ACBD6: variants seen among roughly 807,000 people sequenced by gnomAD.
ACBD6 encodes acyl-CoA binding domain containing 6.
Under a neutral mutation model 37.2 loss-of-function variants are expected in ACBD6, and 28 were observed. That is an observed-to-expected ratio of 0.75 (90% CI 0.56 to 1.03). The LOEUF is 1.03. Ranked by LOEUF, ACBD6 falls within the 50% of genes least tolerant of loss-of-function variation. The pLI, the probability that ACBD6 is intolerant of heterozygous loss-of-function variation, is 0.00. For missense variants in ACBD6, 340 were observed against 337.4 expected, an observed-to-expected ratio of 1.01 and a Z score of -0.06; for synonymous variants, 113 against 126.8, an observed-to-expected ratio of 0.89 and a Z score of 0.73.
chr1:180,413,189 T>C (rs1647931323), intron 5 of ACBD6, among the ~76,000 whole-genome samples, 177 bp downstream of exon 5: 1 of 152,228 alleles, frequency 6.6e-6, no homozygotes, highest in Non-Finnish European at 1.5e-5. Context: ...AAAAATATGT[T>C]GGACATAATC....
rs77332560 is a variant in ACBD6, at chr1:180,402,685, C to A, written c.574-5080G>T. 3.3e-3 allele frequency among the ~76,000 whole-genome samples: 495 copies of A among 151,948 alleles called. 1 individual carries two copies. Among genetic ancestry groups the A allele is most frequent in the African/African-American group, 0.011 (464 of 41,438 alleles). The stretch of plus-strand genomic sequence containing the variant: ...GCACACTTCTGTAGTCCCAGCTACT[C>A]AGGAGGCTCGGCTCAACAGGAGAAT... On this transcript the variant is annotated intron_variant, in intron 5 of 7. Coordinates refer to ENST00000367595, the MANE Select transcript of ACBD6 (RefSeq NM_032360.4).
Position 180,430,208 on chromosome 1 carries a change from T to A in ACBD6, c.439A>T (p.Ser147Cys). 1.2e-6 allele frequency: 2 copies of A among 1,613,480 alleles called. No individual in the cohort carries two copies. Among genetic ancestry groups the A allele is most frequent in the African/African-American group, 1.3e-5 (1 of 75,030 alleles). Residue 147 changes from serine to cysteine, a missense_variant, in exon 4 of 8, where the codon AGT (serine) becomes TGT (cysteine). Transcript: ENST00000367595. The stretch of plus-strand genomic sequence containing the variant: ...ATGGTTTCTTCATGATATAGAGAAC[T>A]AATAACTGGCCCACCAAAACCTGTA... ...ANTGFGGPVI[S>C]SLYHEETIRE... is the part of the protein sequence containing the mutation.
intron 3 of ACBD6, among the ~76,000 whole-genome samples, chr1:180,437,261 A>G (rs982086958): frequency 6.6e-6 from 1 of 152,176 alleles, no homozygotes; most frequent in African/African-American, 2.4e-5. Context: ...GGGAACCACA[A>G]CTTGAAGCCA....
intron 7 of ACBD6, among the ~76,000 whole-genome samples, chr1:180,295,669 T>C (rs1649888951): frequency 6.6e-6 from 1 of 152,190 alleles, no homozygotes; most frequent in Non-Finnish European, 1.5e-5. Flanking sequence ...TTATTTCTGT[T>C]GTGAGGATCT....
chr1:180,324,875 T>A, intron 6 of ACBD6, among the ~76,000 whole-genome samples: 1 of 152,112 alleles, frequency 6.6e-6, no homozygotes, highest in East Asian at 1.9e-4. Flanking sequence ...TGTTCTAGGG[T>A]AAATTTTTTT....
rs1649568813 is a variant in ACBD6, at chr1:180,288,305, T to C, written c.*58A>G. ...TGGAAAAGAAGTATTATTTTTGTAG[T>C]TTTCTTTCATAATGGAAGCCTTATG... On this transcript the variant is annotated 3_prime_UTR_variant, in exon 8 of 8. Transcript: ENST00000367595. 1.2e-6 allele frequency: 2 copies of C among 1,609,828 alleles called. No homozygotes were observed. The highest frequency in any genetic ancestry group is 1.3e-5 in the African/African-American group (1 of 74,934).
intron 3 of ACBD6, chr1:180,435,258 T>C: frequency 4.9e-6 from 3 of 615,502 alleles, no homozygotes; most frequent in East Asian, 3.4e-5. Context: ...CCAGATGCAT[T>C]TTTTTTTTGA....
At chr1:180,314,593 G>A in intron 7 of ACBD6, 99 bp downstream of exon 7, 2 of 978,236 alleles carry the variant, frequency 2.0e-6, no homozygotes, top group South Asian at 2.8e-5. Context: ...CTAGCTGCCA[G>A]GTACCTATCT....
chr1:180,288,434 G>A lies in ACBD6; in HGVS notation c.778C>T (p.Leu260=). The change falls in exon 8 of 8, where the codon CTG becomes TTG. Residue 260 remains leucine (L), a synonymous_variant. Transcript: ENST00000367595. ...TTGCAGCCTGTCACCTCCTCTGGCA[G>A]GCAGCCATCCTGGTCTCGGAGAGTG... ...DPTLRDQDGC[L]PEEVTGCKTV... is the part of the protein sequence containing the mutation. 1 of 1,613,796 alleles carries A rather than the reference G, an allele frequency of 6.2e-7. No homozygotes were observed. Among genetic ancestry groups the A allele is most frequent in the African/African-American group, 1.3e-5 (1 of 75,038 alleles).
At chr1:180,374,956 A>G (rs1203518377) in intron 6 of ACBD6, among the ~76,000 whole-genome samples, 1 of 152,176 alleles carries the variant, frequency 6.6e-6, no homozygotes, top group African/African-American at 2.4e-5. Flanking sequence ...AAAGATGCAA[A>G]TTAGACTAGA....
At chr1:180,295,507 G>A (rs867935866) in intron 7 of ACBD6, among the ~76,000 whole-genome samples, 7 of 107,988 alleles carry the variant, frequency 6.5e-5, no homozygotes, top group Middle Eastern at 5.3e-3. Flanking sequence ...GTGCATCACA[G>A]ATAATGCATT....
intron 6 of ACBD6, among the ~76,000 whole-genome samples, chr1:180,361,364 A>C (rs1277080469): frequency 6.6e-6 from 1 of 151,432 alleles, no homozygotes; most frequent in Non-Finnish European, 1.5e-5. Flanking sequence ...AAGAGCAGAG[A>C]ACTAGACCTC....
chr1:180,287,464 A>C (rs1409066421), downstream of ACBD6: 1 of 151,128 alleles, frequency 6.6e-6, no homozygotes, highest in Admixed American at 6.6e-5. Context: ...AATTAAAATG[A>C]GAGCATACTT....
At chr1:180,493,247 CAAAAAAAA>C (rs71121023) in intron 2 of ACBD6, among the ~76,000 whole-genome samples, 2 of 47,810 alleles carry the variant, frequency 4.2e-5, no homozygotes, top group African/African-American at 1.2e-4. Context: ...AATTCTGTCT[CAAAAAAAA>C]AAAAAAAAAA....
At chr1:180,371,237 TAAC>T (rs1653253187) in intron 6 of ACBD6, among the ~76,000 whole-genome samples, 2 of 152,088 alleles carry the variant, frequency 1.3e-5, no homozygotes, top group Admixed American at 1.3e-4. Flanking sequence ...ATTTTACAAA[TAAC>T]AAGTGCTCAG....
At chr1:180,419,975 C>T (rs1648287130) in intron 4 of ACBD6, among the ~76,000 whole-genome samples, 2 of 152,138 alleles carry the variant, frequency 1.3e-5, no homozygotes, top group African/African-American at 2.4e-5. Context: ...TCACCATTTG[C>T]TTAAGTTTGG....
chr1:180,271,987 C>T (rs1648696577), intron 13 of ACBD6: 1 of 1,612,698 alleles, frequency 6.2e-7, no homozygotes, highest in East Asian at 2.2e-5. Flanking sequence ...GGGTTAGTGA[C>T]AGTGAGCTGA....
intron 4 of ACBD6, among the ~76,000 whole-genome samples, chr1:180,424,878 G>A (rs1648520332): frequency 6.6e-6 from 1 of 152,140 alleles, no homozygotes; most frequent in South Asian, 2.1e-4. Flanking sequence ...ATGACACTGA[G>A]CACACAGGAG....
chr1:180,334,213 C>T (rs1651607150), intron 6 of ACBD6, among the ~76,000 whole-genome samples: 1 of 152,204 alleles, frequency 6.6e-6, no homozygotes, highest in Non-Finnish European at 1.5e-5. Context: ...AGACAGACTG[C>T]CTCCTCAAGT....
Sources: allele counts gnomAD v4.1 joint callset (sites outside exome capture counted in the v4.1 genomes callset), GRCh38; gene constraint gnomAD v4.1.1; transcripts MANE v1.5; gene names NCBI Gene and HGNC (gene_info 2026-07-23, HGNC 2026-07-21).